The following KATNIP variants were observed in gnomAD, a reference collection of about 807,000 sequenced individuals.
KATNIP encodes the protein katanin interacting protein.
KATNIP carries 126 observed loss-of-function variants against 174.0 expected under a neutral mutation model. The observed-to-expected ratio is 0.72, with a 90% CI of 0.63 to 0.84. KATNIP has a LOEUF of 0.84. Among genes scored for constraint, KATNIP ranks in the 40% least tolerant of loss-of-function variants. The pLI is 0.00. For synonymous variants in KATNIP, 810 were observed against 835.7 expected (o/e 0.97, Z 0.53); for missense variants, 1,958 against 2,109.7 (o/e 0.93, Z 1.41).
At chr16:27,659,934 C>T in intron 6 of KATNIP, 1 of 848,458 alleles carries the variant, frequency 1.2e-6, no homozygotes, top group South Asian at 5.4e-5. Flanking sequence ...CATGCACCCC[C>T]AGTTTGGCCT....
intron 3 of KATNIP, among the ~76,000 whole-genome samples, chr16:27,621,846 A>T (rs1417238945): frequency 6.6e-6 from 1 of 151,864 alleles, no homozygotes; most frequent in African/African-American, 2.4e-5. Flanking sequence ...TATCGCAAGG[A>T]CAACATCAAG....
In KATNIP at chr16:27,708,909, A is replaced by G. The variant is rs1462417103; in HGVS notation, c.1594A>G (p.Arg532Gly). Reference sequence around the variant, plus strand: ...TGGGGAGCTGGGCCGCCTCGTCAACAGGAACTTAGCTGTGAGTGGAAGGGG... The same window carrying G: ...TGGGGAGCTGGGCCGCCTCGTCAACGGGAACTTAGCTGTGAGTGGAAGGGG... ...TPGELGRLVN[R>G]NLAGKKDSSP... is the part of the protein sequence containing the mutation. The change falls in exon 13 of 28, where the codon AGG (arginine) becomes GGG (glycine). Residue 532 changes from arginine (R) to glycine (G), a missense_variant. Around this residue, in one of 3 missense-constraint regions of KATNIP, gnomAD observed 1,557 missense variants for 1,617.8 expected, o/e 0.96. Coordinates refer to ENST00000261588, the MANE Select transcript of KATNIP (RefSeq NM_015202.5). 1 of 1,612,366 alleles carries G rather than the reference A, an allele frequency of 6.2e-7. No homozygotes were observed. Among genetic ancestry groups the G allele is most frequent in the East Asian group, 2.2e-5 (1 of 44,872 alleles).
chr16:27,752,501 C>T (rs2081558272), intron 17 of KATNIP, among the ~76,000 whole-genome samples: 1 of 152,246 alleles, frequency 6.6e-6, no homozygotes, highest in African/African-American at 2.4e-5. Context: ...AAGGGTAGAA[C>T]TTGAATGCGT....
At chr16:27,739,831 T>G (rs2081032956) in intron 14 of KATNIP, among the ~76,000 whole-genome samples, 1 of 151,886 alleles carries the variant, frequency 6.6e-6, no homozygotes. Context: ...GCCGTCTCTT[T>G]GTGAAAGTCC....
chr16:27,577,649 G>A (rs577605803), intron 2 of KATNIP, among the ~76,000 whole-genome samples: 164 of 152,246 alleles, frequency 1.1e-3, no homozygotes, highest in African/African-American at 3.7e-3. Flanking sequence ...CCGAGATCGG[G>A]CCACTGCTCT....
intron 18 of KATNIP, among the ~76,000 whole-genome samples, chr16:27,758,203 G>A (rs1048797396): frequency 2.2e-4 from 34 of 152,202 alleles, no homozygotes; most frequent in African/African-American, 7.2e-4. Flanking sequence ...TTTCTCCCTC[G>A]CACTGATCTC....
At chr16:27,682,328 T>C (rs896545984) in intron 8 of KATNIP, among the ~76,000 whole-genome samples, 2 of 152,236 alleles carry the variant, frequency 1.3e-5, no homozygotes, top group Non-Finnish European at 2.9e-5. Context: ...TAAGGTAGGT[T>C]CTGCAATTGT....
chr16:27,711,260 A>G (rs2079562220), intron 13 of KATNIP, among the ~76,000 whole-genome samples: 1 of 152,124 alleles, frequency 6.6e-6, no homozygotes, highest in African/African-American at 2.4e-5. Flanking sequence ...TCTTCTGGAA[A>G]GATTCTTTTC....
intron 2 of KATNIP, among the ~76,000 whole-genome samples, chr16:27,586,390 T>A (rs1320872781): frequency 2.6e-5 from 4 of 152,074 alleles, no homozygotes; most frequent in African/African-American, 9.7e-5. Context: ...GGAGGATCAC[T>A]TGAGCCCAGG....
At chr16:27,680,026 C>T (rs1567292818) in intron 7 of KATNIP, among the ~76,000 whole-genome samples, 1 of 152,102 alleles carries the variant, frequency 6.6e-6, no homozygotes, top group Non-Finnish European at 1.5e-5. Context: ...ACACTCCCAC[C>T]ACATCCACTT....
At chr16:27,764,774 C>T (rs1234426248) in intron 19 of KATNIP, among the ~76,000 whole-genome samples, 1 of 152,172 alleles carries the variant, frequency 6.6e-6, no homozygotes, top group Non-Finnish European at 1.5e-5. Context: ...AGGACAGAAA[C>T]ATAATTGCCT....
At chr16:27,651,421 A>G (rs1416197252) in intron 6 of KATNIP, among the ~76,000 whole-genome samples, 2 of 152,116 alleles carry the variant, frequency 1.3e-5, no homozygotes, top group African/African-American at 2.4e-5. Flanking sequence ...AAGAGATGCA[A>G]TCTGAACAGG....
intron 6 of KATNIP, among the ~76,000 whole-genome samples, chr16:27,650,911 C>G (rs1245158718): frequency 6.6e-6 from 1 of 152,176 alleles, no homozygotes; most frequent in East Asian, 1.9e-4. Context: ...AAATCCCAAA[C>G]AACACAGACA....
rs2144032893 is a variant in KATNIP at position 27,761,531 on chromosome 16, T to C, written c.3750T>C (p.Ala1250=). The C allele has an allele frequency of 1.2e-6, 2 of 1,614,072 alleles. No individual in the cohort carries two copies. Among genetic ancestry groups the C allele is most frequent in the East Asian group, 4.5e-5 (2 of 44,890 alleles). ...ALPIHLHQIS[A]SPRDLNELPE... ...CCATCCACCTGCACCAGATCTCTGCTTCCCCCAGAGACTTAAATGAGCTCC... is the reference window on the plus strand; with the variant it reads ...CCATCCACCTGCACCAGATCTCTGCCTCCCCCAGAGACTTAAATGAGCTCC... Residue 1250 remains alanine (A), a synonymous_variant, in exon 19 of 28, where the codon GCT becomes GCC. Coordinates refer to ENST00000261588, the MANE Select transcript of KATNIP (RefSeq NM_015202.5).
chr16:27,758,566 G>C (rs1439162436), intron 18 of KATNIP, among the ~76,000 whole-genome samples: 1 of 152,104 alleles, frequency 6.6e-6, no homozygotes, highest in Non-Finnish European at 1.5e-5. Context: ...GAAAATCCAG[G>C]CTTCTCGATA....
At position 27,777,699 on chromosome 16, in the gene KATNIP, C is replaced by T. The variant is rs764503597; in HGVS notation, c.4641C>T (p.Thr1547=). Residue 1547 remains threonine, a synonymous_variant, in exon 26 of 28, where the codon ACC becomes ACT. Coordinates refer to ENST00000261588, the MANE Select transcript of KATNIP (RefSeq NM_015202.5). This position sits in a 1 kb window ranked among gnomAD's most constrained non-coding sequence, Gnocchi z 4.4. ...VGGILPTCEP[T]VPYHTILFTE... ...GCATCCTGCCCACATGTGAGCCCAC[C>T]GTGCCCTACCACACCATCCTCTTCA... is the stretch of plus-strand genomic sequence containing the variant. 1.1e-5 allele frequency: 18 copies of T among 1,614,092 alleles called. No homozygotes were observed. In the Admixed American group the frequency reaches 1.7e-4, roughly 15 times the overall value.
At chr16:27,749,005 C>G (rs896435949) in intron 15 of KATNIP, among the ~76,000 whole-genome samples, 2 of 152,136 alleles carry the variant, frequency 1.3e-5, no homozygotes, top group African/African-American at 4.8e-5. Context: ...TTCCACCTGC[C>G]ATTAAATTGT....
At chr16:27,745,128 G>C (rs879677134) in intron 15 of KATNIP, among the ~76,000 whole-genome samples, 1 of 152,164 alleles carries the variant, frequency 6.6e-6, no homozygotes, top group Non-Finnish European at 1.5e-5. Flanking sequence ...TTCATCAGGG[G>C]TCAGTTGTTT....
intron 1 of KATNIP, among the ~76,000 whole-genome samples, chr16:27,570,722 G>C (rs1226842278): frequency 2.6e-5 from 4 of 152,152 alleles, no homozygotes; most frequent in African/African-American, 7.2e-5. Context: ...ACAATGGCCA[G>C]GTTGTTAACT....
Sources: gnomAD v4.1 joint callset for allele counts (sites outside exome capture counted in the v4.1 genomes callset) on GRCh38, gnomAD v4.1.1 for gene constraint, gnomAD v4.1.1 regional missense constraint, Gnocchi (gnomAD v3.1) non-coding constraint, MANE v1.5 for transcripts, NCBI Gene and HGNC (gene_info 2026-07-23, HGNC 2026-07-21) for gene names.